The following SNX6 variants were observed in gnomAD, a reference collection of about 807,000 sequenced individuals.
The protein encoded by SNX6 is sorting nexin-6.
In SNX6, 34 loss-of-function variants were observed where a neutral mutation model predicts 63.0. The ratio of observed to expected loss-of-function variants is 0.54; its 90% confidence interval spans 0.41 to 0.72. The LOEUF is 0.72. Ranked by LOEUF, SNX6 falls within the 30% of genes least tolerant of loss-of-function variation. The pLI is 0.00. For missense variants in SNX6, 398 were observed against 471.4 expected, an observed-to-expected ratio of 0.84 and a Z score of 1.44; for synonymous variants, 170 against 164.2, an observed-to-expected ratio of 1.04 and a Z score of -0.27.
At chr14:34,571,934 CT>C (rs1555324112) in intron 11 of SNX6, among the ~76,000 whole-genome samples, 1 of 152,096 alleles carries the variant, frequency 6.6e-6, no homozygotes, top group Non-Finnish European at 1.5e-5. Context: ...TCCAGAAATC[CT>C]TCTGGCTTGG....
chr14:34,603,136 G>C (rs1476763222), intron 6 of SNX6, among the ~76,000 whole-genome samples: 1 of 151,020 alleles, frequency 6.6e-6, no homozygotes, highest in African/African-American at 2.4e-5. Context: ...AAATTAGCTG[G>C]GCGTGGTGGC....
intron 2 of SNX6, among the ~76,000 whole-genome samples, chr14:34,609,952 G>C (rs1226719959): frequency 6.6e-6 from 1 of 152,040 alleles, no homozygotes; most frequent in Non-Finnish European, 1.5e-5. Flanking sequence ...TTCAATTCTA[G>C]AATTTTCATT....
At chr14:34,579,639 G>C (rs1472430992) in intron 10 of SNX6, among the ~76,000 whole-genome samples, 1 of 151,912 alleles carries the variant, frequency 6.6e-6, no homozygotes, top group Non-Finnish European at 1.5e-5. Context: ...CTACATCTAT[G>C]TGCAACAACA....
intron 11 of SNX6, chr14:34,568,921 C>A: frequency 7.7e-7 from 1 of 1,298,108 alleles, no homozygotes; most frequent in Admixed American, 1.7e-5. Context: ...AACCCCAGCG[C>A]CACCCCAGAG....
Position 34,567,701 on chromosome 14 carries a change from T to C in SNX6, c.1152A>G (p.Glu384=). The stretch of plus-strand genomic sequence containing the variant: ...ACAACACTACCTTTGCATGCTTCAG[T>C]TCTAACTCTGCCAGTTCCACTAAAT... The part of the protein sequence containing the change: ...RKNLVELAEL[E]LKHAKGNLQL... Residue 384 remains glutamate (E), a synonymous_variant, in exon 13 of 14, where the codon GAA becomes GAG. Coordinates refer to ENST00000362031, the MANE Select transcript of SNX6 (RefSeq NM_152233.4). The C allele has an allele frequency of 1.2e-6, 2 of 1,613,334 alleles. No homozygotes were observed. The highest frequency in any genetic ancestry group is 1.7e-6 in the Non-Finnish European group (2 of 1,179,306).
At chr14:34,604,348 TC>T in intron 5 of SNX6, 1 of 1,114,440 alleles carries the variant, frequency 9.0e-7, no homozygotes, top group Non-Finnish European at 1.1e-6. Flanking sequence ...TCTGCTCATT[TC>T]CAATTTTCAG....
chr14:34,597,646 C>T lies in SNX6; in HGVS notation c.517-1G>A, dbSNP rs1882655774. 6.5e-7 allele frequency: 1 copy of T among 1,548,678 alleles called. No homozygotes were observed. The highest frequency in any genetic ancestry group is 1.7e-5 in the Admixed American group (1 of 58,466). ...TTTTATTTTTTCCTCGCACACTCAA[C>T]TGAAAGAAAGGTAATTTAACATTTT... On this transcript the variant is annotated splice_acceptor_variant, in intron 6 of 13. Transcript: ENST00000362031. LOFTEE classifies it high-confidence loss of function.
At chr14:34,622,062 G>T (rs189911339) in intron 2 of SNX6, among the ~76,000 whole-genome samples, 4 of 146,710 alleles carry the variant, frequency 2.7e-5, no homozygotes, top group African/African-American at 1.0e-4. Flanking sequence ...GGGTTCAAGC[G>T]ATTCTCCTGC....
intron 11 of SNX6, chr14:34,568,815 G>A: frequency 9.8e-7 from 1 of 1,023,642 alleles, no homozygotes; most frequent in East Asian, 2.4e-5. Flanking sequence ...CCAGGGCTTG[G>A]AGGACCCGGT....
intron 8 of SNX6, among the ~76,000 whole-genome samples, chr14:34,592,420 G>C (rs1053958568): frequency 1.3e-5 from 2 of 152,100 alleles, no homozygotes; most frequent in African/African-American, 4.8e-5. Flanking sequence ...TGGCCGGAAA[G>C]AATATAGAGA....
intron 10 of SNX6, among the ~76,000 whole-genome samples, chr14:34,580,451 G>A (rs758345379): frequency 8.0e-5 from 12 of 150,274 alleles, no homozygotes; most frequent in East Asian, 2.0e-4. Flanking sequence ...ACAGTTGTGC[G>A]CCACCACGCC....
At chr14:34,612,992 T>A (rs1187786464) in intron 2 of SNX6, among the ~76,000 whole-genome samples, 4 of 143,140 alleles carry the variant, frequency 2.8e-5, no homozygotes, top group Non-Finnish European at 6.0e-5. Flanking sequence ...GAGCTGGCAG[T>A]GAGCCGAGAT....
chr14:34,600,835 C>T (rs1195578413), intron 6 of SNX6, among the ~76,000 whole-genome samples: 2 of 152,028 alleles, frequency 1.3e-5, no homozygotes, highest in East Asian at 1.9e-4. Context: ...GTCAGGAGTT[C>T]GAGACCAGCC....
intron 7 of SNX6, 59 bp from the exon 8 acceptor site, chr14:34,593,209 A>G: frequency 2.0e-6 from 2 of 977,924 alleles, no homozygotes; most frequent in Non-Finnish European, 3.1e-6. Flanking sequence ...TTTTATATGT[A>G]AATAACTATC....
chr14:34,575,930 GTTT>G, intron 10 of SNX6, 88 bp from the exon 11 acceptor site: 1 of 523,966 alleles, frequency 1.9e-6, no homozygotes, highest in Non-Finnish European at 3.1e-6. Flanking sequence ...TTGTTTTTTT[GTTT>G]TTTTTTTTGA....
intron 2 of SNX6, among the ~76,000 whole-genome samples, chr14:34,623,056 C>CT (rs1480040555): frequency 2.0e-5 from 3 of 152,182 alleles, no homozygotes; most frequent in South Asian, 2.1e-4. Flanking sequence ...GATTATAACT[C>CT]TATCTCCTTC....
intron 7 of SNX6, among the ~76,000 whole-genome samples, chr14:34,594,078 G>A (rs1446088867): frequency 2.6e-5 from 4 of 152,070 alleles, no homozygotes; most frequent in Non-Finnish European, 5.9e-5. Context: ...CTACAATTTT[G>A]CTCTTCAATA....
chr14:34,568,504 T>A (rs892367556), intron 11 of SNX6, among the ~76,000 whole-genome samples: 19 of 151,922 alleles, frequency 1.3e-4, no homozygotes, highest in African/African-American at 4.4e-4. Context: ...TATTCTAATA[T>A]TTAAAGATTT....
intron 9 of SNX6, among the ~76,000 whole-genome samples, chr14:34,582,284 C>T (rs1363886727): frequency 1.3e-5 from 2 of 151,428 alleles, no homozygotes; most frequent in Non-Finnish European, 2.9e-5. Context: ...GGCAGCTGCC[C>T]CCATGCCTGG....
Sources: gnomAD v4.1 joint callset for allele counts (sites outside exome capture counted in the v4.1 genomes callset) on GRCh38, gnomAD v4.1.1 for gene constraint, MANE v1.5 for transcripts, NCBI Gene and HGNC (gene_info 2026-07-23, HGNC 2026-07-21) for gene names.